Variants in CEP295 observed in about 807,000 individuals in gnomAD.
CEP295 encodes centrosomal protein of 295 kDa.
In CEP295, 190 loss-of-function variants were observed where a neutral mutation model predicts 291.6. That is an observed-to-expected ratio of 0.65 (90% CI 0.58 to 0.73). The LOEUF (loss-of-function observed/expected upper bound fraction) is 0.73, where lower values mean the gene tolerates loss of function less well. Among genes scored for constraint, CEP295 ranks in the 30% least tolerant of loss-of-function variants. The probability of loss-of-function intolerance (pLI) is 0.00; values close to 1 mark genes in which losing one functional copy is unlikely to be tolerated. For synonymous variants in CEP295, 993 were observed against 1,038.8 expected, an observed-to-expected ratio of 0.96 and a Z score of 0.85; for missense variants, 2,863 against 2,949.4, an observed-to-expected ratio of 0.97 and a Z score of 0.68.
In CEP295 at chr11:93,729,975, GTTAATT is replaced by G; in HGVS notation, c.7667+9_7667+14del. 2.7e-6 allele frequency: 4 copies of G among 1,473,168 alleles called. No individual in the cohort carries two copies. The African/African-American group carries it at 4.4e-5, about 16-fold the overall frequency. The allele number at this position is 1,473,168 out of a possible 1,614,324, so 91.3% of individuals were successfully genotyped here. On this transcript the variant is annotated splice_region_variant and intron_variant, in intron 28 of 29. Transcript: ENST00000325212. ...AGGCACCAAAGGGGTCTAAGGTAGG[GTTAATT>G]TTTTTTTTTTTTTTAGTGATTCACT...
At chr11:93,718,656 T>C (rs1565211177) in intron 18 of CEP295, among the ~76,000 whole-genome samples, 1 of 152,254 alleles carries the variant, frequency 6.6e-6, no homozygotes, top group African/African-American at 2.4e-5. Flanking sequence ...GTAATTATTA[T>C]TAGTGAATTG....
At chr11:93,721,700 G>GTGTA (rs1953735903) in intron 19 of CEP295, 1 of 675,276 alleles carries the variant, frequency 1.5e-6, no homozygotes, top group Non-Finnish European at 2.7e-6. Flanking sequence ...GTGTGTGTGT[G>GTGTA]TACGCACATG....
chr11:93,669,584 AT>A, intron 4 of CEP295, 92 bp from the exon 5 acceptor site: 1 of 755,996 alleles, frequency 1.3e-6, no homozygotes. Flanking sequence ...AGACTAGAGG[AT>A]TTCTTGAGCC....
rs374656563 is a variant in CEP295 at position 93,700,123 on chromosome 11, A to G, written c.5211A>G (p.Thr1737=). The G allele has an allele frequency of 1.7e-5, 27 of 1,551,562 alleles. No individual in the cohort carries two copies. Among genetic ancestry groups the G allele is most frequent in the Non-Finnish European group, 2.1e-5 (24 of 1,146,958 alleles). ...AAAAATTGCTTGTACAGAGACAAAC[A>G]GCATTGCAGCAGCAGATACAGAAAC... ...AQEKLLVQRQ[T]ALQQQIQKHE... Residue 1737 remains threonine, a synonymous_variant, in exon 15 of 30, where the codon ACA becomes ACG. Coordinates refer to ENST00000325212, the MANE Select transcript of CEP295 (RefSeq NM_033395.2).
intron 24 of CEP295, chr11:93,728,456 A>G (rs924886858): frequency 1.2e-5 from 5 of 414,148 alleles, no homozygotes; most frequent in Middle Eastern, 6.3e-4. Flanking sequence ...TTGTCACACT[A>G]TTTCATCCCC....
intron 18 of CEP295, among the ~76,000 whole-genome samples, chr11:93,717,620 G>C (rs1439051420): frequency 6.6e-6 from 1 of 152,186 alleles, no homozygotes; most frequent in Non-Finnish European, 1.5e-5. Flanking sequence ...GTTGTAACTG[G>C]TAAAACAGCA....
chr11:93,710,451 C>G (rs1358819765), intron 18 of CEP295, among the ~76,000 whole-genome samples: 1 of 152,144 alleles, frequency 6.6e-6, no homozygotes, highest in Non-Finnish European at 1.5e-5. Flanking sequence ...TACATTGAAC[C>G]ATCCTTGCAT....
At chr11:93,662,334 A>ATAT (rs1473360314) in intron 1 of CEP295, among the ~76,000 whole-genome samples, 1 of 152,206 alleles carries the variant, frequency 6.6e-6, no homozygotes, top group African/African-American at 2.4e-5. Context: ...TTTGGGGTAG[A>ATAT]TATTATTATT....
At chr11:93,662,225 A>G (rs1950024908) in intron 1 of CEP295, among the ~76,000 whole-genome samples, 1 of 152,262 alleles carries the variant, frequency 6.6e-6, no homozygotes, top group Non-Finnish European at 1.5e-5. Flanking sequence ...ATCCTGTCAC[A>G]AACTCAACTT....
intron 5 of CEP295, among the ~76,000 whole-genome samples, chr11:93,672,992 C>T (rs1461524483): frequency 6.6e-6 from 1 of 152,118 alleles, no homozygotes; most frequent in Non-Finnish European, 1.5e-5. Flanking sequence ...ATTTTAGAGA[C>T]TTGTTTTCTT....
intron 15 of CEP295, among the ~76,000 whole-genome samples, chr11:93,700,441 T>C (rs1197425864): frequency 1.3e-5 from 2 of 151,140 alleles, no homozygotes. Flanking sequence ...TTTTTTTTTT[T>C]TTGAGACAAG....
intron 5 of CEP295, among the ~76,000 whole-genome samples, chr11:93,672,839 A>G (rs1043478892): frequency 2.8e-4 from 1 of 3,630 alleles, no homozygotes; most frequent in Non-Finnish European, 0.011. Context: ...TGTTATAATC[A>G]ATAAGGATTC....
At chr11:93,691,103 T>C (rs548922317) in intron 10 of CEP295, among the ~76,000 whole-genome samples, 1 of 152,248 alleles carries the variant, frequency 6.6e-6, no homozygotes, top group African/African-American at 2.4e-5. Flanking sequence ...TTTTCTGGGA[T>C]AATTATAAGA....
chr11:93,675,635 CT>C lies in CEP295; in HGVS notation c.597del (p.Phe199LeufsTer2). 6.6e-7 allele frequency: 1 copy of C among 1,506,036 alleles called. No homozygotes were observed. Among genetic ancestry groups the C allele is most frequent in the Admixed American group, 2.5e-5 (1 of 40,688 alleles). The allele number at this position is 1,506,036 out of a possible 1,614,324, so 93.3% of individuals were successfully genotyped here. On this transcript the variant is annotated frameshift_variant, in exon 6 of 30. Coordinates refer to ENST00000325212, the MANE Select transcript of CEP295 (RefSeq NM_033395.2). LOFTEE classifies it high-confidence loss of function. The stretch of plus-strand genomic sequence containing the variant: ...AGTTCTACCTACCATCATCTTCACA[CT>C]TTTGTGAATAGAGAGACAGACACAA... ...TNSSTYHHLH[T>X]FVNRETDTKR...
rs1938097194 is a variant in CEP295, at chr11:93,729,594, A to G, written c.7400-20A>G. 2 of 1,549,900 alleles carry G rather than the reference A, an allele frequency of 1.3e-6. No individual in the cohort carries two copies. Among genetic ancestry groups the G allele is most frequent in the Middle Eastern group, 1.7e-4 (1 of 6,006 alleles). On this transcript the variant is annotated intron_variant, in intron 26 of 29. Coordinates refer to ENST00000325212, the MANE Select transcript of CEP295 (RefSeq NM_033395.2). The stretch of plus-strand genomic sequence containing the variant: ...AGATACTTTGCCTATTTCTGTCATA[A>G]ATTTCTTTTCCCCCAGCAGAAACCC...
chr11:93,712,531 G>A (rs1371803614), intron 18 of CEP295, among the ~76,000 whole-genome samples: 4 of 152,176 alleles, frequency 2.6e-5, no homozygotes, highest in Non-Finnish European at 5.9e-5. Context: ...TAGGATTACA[G>A]GCATAAGCCA....
rs569556238 is a variant in CEP295, at chr11:93,696,994, C to T, written c.2082C>T (p.Arg694=). ...QRQVETTETL[R]ASDILTNQAL... Reference sequence around the variant, plus strand: ...AGGTGGAAACAACAGAAACATTACGCGCTTCAGATATTTTAACCAATCAAG... The same window carrying T: ...AGGTGGAAACAACAGAAACATTACGTGCTTCAGATATTTTAACCAATCAAG... The change falls in exon 15 of 30, where the codon CGC becomes CGT. Residue 694 remains arginine, a synonymous_variant. Transcript: ENST00000325212. 1.2e-4 allele frequency: 188 copies of T among 1,551,414 alleles called. No individual in the cohort carries two copies. Among genetic ancestry groups the T allele is most frequent in the South Asian group, 7.7e-4 (65 of 84,040 alleles).
At position 93,695,589 on chromosome 11, in the gene CEP295, G is replaced by T; in HGVS notation, c.1626G>T (p.Arg542Ser). 6.7e-7 allele frequency: 1 copy of T among 1,495,074 alleles called. No individual in the cohort carries two copies. The highest frequency in any genetic ancestry group is 8.8e-7 in the Non-Finnish European group (1 of 1,130,052). The allele number at this position is 1,495,074 out of a possible 1,614,324, so 92.6% of individuals were successfully genotyped here. ...QKLRLETDCF[R>S]AQLEEEKRKK... Reference sequence around the variant, plus strand: ...TAAGATTAGAAACTGACTGCTTCAGGGCTCAGCTGGAAGAAGAAAAAAGAA... The same window carrying T: ...TAAGATTAGAAACTGACTGCTTCAGTGCTCAGCTGGAAGAAGAAAAAAGAA... Residue 542 changes from arginine (R) to serine (S), a missense_variant, in exon 13 of 30, where the codon AGG becomes AGT. Arg to Ser is a moderately radical substitution (Grantham distance 110). This residue lies in a region of CEP295 where 2,295 missense variants were observed against 2,335.7 expected (regional missense o/e 0.98). Coordinates refer to ENST00000325212, the MANE Select transcript of CEP295 (RefSeq NM_033395.2).
At chr11:93,663,139 T>G (rs553268792) in intron 1 of CEP295, among the ~76,000 whole-genome samples, 1 of 152,208 alleles carries the variant, frequency 6.6e-6, no homozygotes, top group Non-Finnish European at 1.5e-5. Context: ...ATCTCCTGCA[T>G]TCTGAAATCT....
Sources: allele counts gnomAD v4.1 joint callset (sites outside exome capture counted in the v4.1 genomes callset), GRCh38; gene constraint gnomAD v4.1.1; regional missense constraint gnomAD v4.1.1; transcripts MANE v1.5; gene names NCBI Gene and HGNC (gene_info 2026-07-23, HGNC 2026-07-21).